Variants in ITIH5 observed in about 807,000 individuals in gnomAD.
ITIH5 encodes inter-alpha-trypsin inhibitor heavy chain H5.
A neutral mutation model predicts 77.5 loss-of-function variants in ITIH5; 65 were observed. The ratio of observed to expected loss-of-function variants is 0.84; its 90% CI spans 0.69 to 1.03. ITIH5 has a LOEUF of 1.03. Ranked by LOEUF, ITIH5 falls within the 50% of genes least tolerant of loss-of-function variation. ITIH5 has a pLI of 0.00. For synonymous variants in ITIH5, 525 were observed against 494.3 expected, an observed-to-expected ratio of 1.06 and a Z score of -0.82; for missense variants, 1,208 against 1,213.1, an observed-to-expected ratio of 1.00 and a Z score of 0.06.
At position 7,623,234 on chromosome 10, in the gene ITIH5, C is replaced by T. The variant is rs574248783; in HGVS notation, c.653-5952G>A. ...GCTGCTGTCGGAGAAAAGCAGCCAA[C>T]ACCTGGTGCATTGACAAAAGGATTT... On this transcript the variant is annotated intron_variant, in intron 5 of 13. Transcript: ENST00000397146. 4.6e-5 allele frequency among the ~76,000 whole-genome samples: 7 copies of T among 152,310 alleles called. No homozygotes were observed. The East Asian group carries it at 9.6e-4, about 21-fold the overall frequency.
intron 2 of ITIH5, among the ~76,000 whole-genome samples, chr10:7,642,868 C>T (rs908417452): frequency 3.9e-5 from 6 of 152,186 alleles, no homozygotes; most frequent in Non-Finnish European, 8.8e-5. Flanking sequence ...CCACTGCTAA[C>T]AGAGTGGTTA....
chr10:7,628,307 T>C (rs34232181), intron 5 of ITIH5, among the ~76,000 whole-genome samples: 47,501 of 152,178 alleles, frequency 0.31, 10,503 homozygotes, highest in African/African-American at 0.62. Context: ...CCCAGGCAAC[T>C]ACCAATCTGC....
At chr10:7,637,202 G>A (rs749787511) in intron 5 of ITIH5, 26 bp downstream of exon 5, 3 of 1,596,266 alleles carry the variant, frequency 1.9e-6, no homozygotes, top group Admixed American at 3.3e-5. Flanking sequence ...CCACAGATCT[G>A]CACGAACCCA....
In ITIH5 at chr10:7,559,297, T is replaced by A. The variant is rs1249317482; in HGVS notation, c.*3786A>T. The A allele has an allele frequency of 6.6e-6, 1 of 152,344 alleles. No homozygotes were observed. The highest frequency in any genetic ancestry group is 2.4e-5 in the African/African-American group (1 of 41,460). 9.4% of individuals were successfully genotyped at this position (152,344 alleles called of 1,614,324 possible). The stretch of plus-strand genomic sequence containing the variant: ...CAGTTAGATTCTTCAAGTTTTATTC[T>A]CAACAGCTCCAATTCCATTTTCCCT... On this transcript the variant is annotated 3_prime_UTR_variant, in exon 14 of 14. Transcript: ENST00000397146.
chr10:7,634,684 A>G (rs1401535169), intron 5 of ITIH5, among the ~76,000 whole-genome samples: 1 of 152,178 alleles, frequency 6.6e-6, no homozygotes, highest in African/African-American at 2.4e-5. Flanking sequence ...ACATCTCTGA[A>G]GAGTCATTAT....
intron 2 of ITIH5, among the ~76,000 whole-genome samples, chr10:7,650,531 T>G (rs1030773517): frequency 6.6e-6 from 1 of 152,124 alleles, no homozygotes; most frequent in African/African-American, 2.4e-5. Context: ...GATCAGGAGT[T>G]TGAGACCAGC....
intron 1 of ITIH5, among the ~76,000 whole-genome samples, chr10:7,659,925 TTTA>T (rs1286910378): frequency 1.3e-5 from 2 of 152,294 alleles, no homozygotes; most frequent in African/African-American, 4.8e-5. Context: ...CCCGGTGCCT[TTTA>T]AGAAACGAGG....
At chr10:7,619,342 T>C (rs1456051370) in intron 5 of ITIH5, 2 of 153,258 alleles carry the variant, frequency 1.3e-5, no homozygotes, top group African/African-American at 2.4e-5. Flanking sequence ...TTAACAGCTG[T>C]GAGACTTTGA....
chr10:7,563,316 G>T lies in ITIH5; in HGVS notation c.2596C>A (p.Pro866Thr). The stretch of plus-strand genomic sequence containing the variant: ...CCCTCTCCCACCTGAAGGAGCAGAG[G>T]GTGAGTGAGGTTCTGGCTGGGCCCT... ...PAGPSQNLTHPLLLQVGEGPE... is the reference protein window; with the variant it reads ...PAGPSQNLTHTLLLQVGEGPE... The change falls in exon 14 of 14, where the codon CCT becomes ACT. Residue 866 changes from proline (P) to threonine (T), a missense_variant. Pro to Thr is a conservative substitution (Grantham distance 38). Coordinates refer to ENST00000397146, the MANE Select transcript of ITIH5 (RefSeq NM_030569.7). The T allele has an allele frequency of 6.2e-7, 1 of 1,614,222 alleles. No individual in the cohort carries two copies. The highest frequency in any genetic ancestry group is 8.5e-7 in the Non-Finnish European group (1 of 1,180,026).
At position 7,562,721 on chromosome 10, in the gene ITIH5, C is replaced by A. The variant is rs1337719096; in HGVS notation, c.*362G>T. The A allele has an allele frequency of 4.8e-6, 1 of 207,918 alleles. No homozygotes were observed. The highest frequency in any genetic ancestry group is 9.8e-6 in the Non-Finnish European group (1 of 102,068). 12.9% of individuals were successfully genotyped at this position (207,918 alleles called of 1,614,324 possible). A position where few individuals can be genotyped will look rare whatever the true frequency, so the allele number is the denominator to read the frequency against. ...ACCAAGAAAAAAAGTTTCATAGCAA[C>A]CTTCCTTCACCAGAAAGGCTTACTT... On this transcript the variant is annotated 3_prime_UTR_variant, in exon 14 of 14. Coordinates refer to ENST00000397146, the MANE Select transcript of ITIH5 (RefSeq NM_030569.7).
At chr10:7,615,736 C>T (rs1196881114) in intron 7 of ITIH5, among the ~76,000 whole-genome samples, 1 of 152,230 alleles carries the variant, frequency 6.6e-6, no homozygotes, top group African/African-American at 2.4e-5. Flanking sequence ...ACATTATCCA[C>T]TCTGCCAGTG....
At chr10:7,621,858 G>A (rs891646780) in intron 5 of ITIH5, 7 of 152,088 alleles carry the variant, frequency 4.6e-5, no homozygotes, top group African/African-American at 1.7e-4. Flanking sequence ...TCACCCGCAG[G>A]GTCATCAGAG....
In ITIH5 at chr10:7,637,262, G is replaced by A. The variant is rs1404690536; in HGVS notation, c.618C>T (p.His206=). The A allele has an allele frequency of 2.5e-6, 4 of 1,610,772 alleles. No homozygotes were observed. Among genetic ancestry groups the A allele is most frequent in the African/African-American group, 1.3e-5 (1 of 74,924 alleles). The change falls in exon 5 of 14, where the codon CAC becomes CAT. Residue 206 remains histidine (H), a synonymous_variant. Coordinates refer to ENST00000397146, the MANE Select transcript of ITIH5 (RefSeq NM_030569.7). ...GCCCACTGCCCCTCTGCCTGCTGTT[G>A]TGAAGCGGCAGCACCTCCAGGGATG... ...GIASLEVLPL[H]NSRQRGSGRG...
intron 11 of ITIH5, 138 bp downstream of exon 11, chr10:7,573,004 C>A (rs1290250291): frequency 7.0e-6 from 5 of 715,050 alleles, no homozygotes; most frequent in Non-Finnish European, 1.2e-5. Context: ...TCTTGAACTC[C>A]TGACCTCAAG....
intron 2 of ITIH5, among the ~76,000 whole-genome samples, chr10:7,653,043 G>T (rs997293823): frequency 2.0e-5 from 3 of 152,146 alleles, no homozygotes; most frequent in Admixed American, 6.5e-5. Flanking sequence ...GCAAGTTAAA[G>T]GAACAATGAG....
At chr10:7,565,193 TATAC>T (rs762168286) in intron 13 of ITIH5, among the ~76,000 whole-genome samples, 45 of 57,012 alleles carry the variant, frequency 7.9e-4, no homozygotes, top group South Asian at 2.3e-3. Context: ...TATATATATA[TATAC>T]ACACACATAC....
At chr10:7,613,575 T>C (rs546867650) in intron 7 of ITIH5, among the ~76,000 whole-genome samples, 1 of 152,284 alleles carries the variant, frequency 6.6e-6, no homozygotes, top group South Asian at 2.1e-4. Flanking sequence ...AAAAAGAACT[T>C]AAATATTTTC....
At chr10:7,605,856 A>G (rs898686334) in intron 7 of ITIH5, among the ~76,000 whole-genome samples, 1 of 152,194 alleles carries the variant, frequency 6.6e-6, no homozygotes, top group African/African-American at 2.4e-5. Flanking sequence ...AGCCCTTTAC[A>G]GAAAAAGTCT....
Position 7,562,120 on chromosome 10 carries a change from C to G in ITIH5, c.*963G>C, listed in dbSNP as rs941058450. 1 of 152,246 alleles carries G rather than the reference C, an allele frequency of 6.6e-6. No individual in the cohort carries two copies. Among genetic ancestry groups the G allele is most frequent in the African/African-American group, 2.4e-5 (1 of 41,450 alleles). 9.4% of individuals were successfully genotyped at this position (152,246 alleles called of 1,614,324 possible). On this transcript the variant is annotated 3_prime_UTR_variant, in exon 14 of 14. Coordinates refer to ENST00000397146, the MANE Select transcript of ITIH5 (RefSeq NM_030569.7). ...TCCTGCTATAGGTGGGCTGGTGGACCTGCTCTGAGCCGGCTCTGCCTCCCG... is the reference window on the plus strand; with the variant it reads ...TCCTGCTATAGGTGGGCTGGTGGACGTGCTCTGAGCCGGCTCTGCCTCCCG...
Sources: gnomAD v4.1 joint callset for allele counts (sites outside exome capture counted in the v4.1 genomes callset) on GRCh38, gnomAD v4.1.1 for gene constraint, MANE v1.5 for transcripts, NCBI Gene and HGNC (gene_info 2026-07-23, HGNC 2026-07-21) for gene names.